The following DHX8 variants were observed in gnomAD, a reference collection of about 807,000 sequenced individuals.
The protein encoded by DHX8 is DEAH-box helicase 8.
Under a neutral mutation model 140.7 loss-of-function variants are expected in DHX8, and 67 were observed. That is an observed-to-expected ratio of 0.48 (90% CI 0.39 to 0.58). The LOEUF is 0.58. Among genes scored for constraint, DHX8 ranks in the 20% least tolerant of loss-of-function variants. The pLI is 0.00. For synonymous variants in DHX8, 533 were observed against 553.2 expected (o/e 0.96, Z 0.51); for missense variants, 887 against 1,550.7 (o/e 0.57, Z 7.19).
At chr17:43,498,245 A>G (rs945229979) in intron 9 of DHX8, among the ~76,000 whole-genome samples, 3 of 151,660 alleles carry the variant, frequency 2.0e-5, no homozygotes, top group Non-Finnish European at 2.9e-5. Context: ...CCCGGGTTCA[A>G]GCGATCCTCC....
At chr17:43,521,624 T>G (rs1970379927) in intron 21 of DHX8, 59 bp downstream of exon 21, 1 of 1,516,704 alleles carries the variant, frequency 6.6e-7, no homozygotes, top group Non-Finnish European at 9.0e-7. Flanking sequence ...GTATCATGTC[T>G]TTTCATCTCT....
chr17:43,534,110 GTATC>G, intron 2 of DHX8: 1 of 1,087,910 alleles, frequency 9.2e-7, no homozygotes, highest in Non-Finnish European at 1.2e-6. Flanking sequence ...CCCTCTCTGG[GTATC>G]AATTTTCTGA....
At chr17:43,526,680 CCT>C (rs765836792), downstream of DHX8, 8 of 1,522,510 alleles carry the variant, frequency 5.3e-6, no homozygotes, top group Admixed American at 7.9e-5. Context: ...CAGCTAACTC[CCT>C]CTCTCTTCGT....
At chr17:43,536,117 A>AAAACAAACAAAC (rs113078365) in intron 2 of DHX8, among the ~76,000 whole-genome samples, 16 of 151,728 alleles carry the variant, frequency 1.1e-4, no homozygotes, top group African/African-American at 3.9e-4. Context: ...TCTTGGGGGG[A>AAAACAAACAAAC]AAACAAACAA....
chr17:43,529,044 T>C (rs929700856), downstream of DHX8: 8 of 1,181,936 alleles, frequency 6.8e-6, no homozygotes, highest in African/African-American at 1.5e-5. Context: ...TCCTACAAAG[T>C]TGCTGAGAAC....
intron 1 of DHX8, among the ~76,000 whole-genome samples, 189 bp from the exon 2 acceptor site, chr17:43,489,260 C>T (rs779767124): frequency 5.3e-5 from 8 of 152,204 alleles, no homozygotes; most frequent in Non-Finnish European, 1.2e-4. Flanking sequence ...CTGCCTTGGC[C>T]TCCCAGAGTG....
intron 18 of DHX8, chr17:43,519,571 C>T (rs1313785734): frequency 1.3e-5 from 2 of 150,462 alleles, no homozygotes; most frequent in African/African-American, 4.9e-5. Context: ...AGGCTGGTCT[C>T]AACTCCCGGA....
chr17:43,495,313 C>T (rs1186694381), intron 8 of DHX8, among the ~76,000 whole-genome samples: 1 of 152,220 alleles, frequency 6.6e-6, no homozygotes, highest in Admixed American at 6.5e-5. Context: ...CTTACTTGCA[C>T]TATTGCCCAG....
intron 1 of DHX8, among the ~76,000 whole-genome samples, chr17:43,486,169 C>T (rs1344307433): frequency 7.1e-6 from 1 of 140,648 alleles, no homozygotes; most frequent in Admixed American, 7.4e-5. Flanking sequence ...CCAGCCTGGA[C>T]GAAAAGAGCA....
At chr17:43,513,709 C>CTTTTTTTTT (rs34829204) in intron 17 of DHX8, among the ~76,000 whole-genome samples, 3 of 105,966 alleles carry the variant, frequency 2.8e-5, no homozygotes, top group East Asian at 3.1e-4. Context: ...AGTTTTTAAT[C>CTTTTTTTTT]TTTTTTTTTT....
chr17:43,490,548 C>A (rs779083250), intron 3 of DHX8, 85 bp downstream of exon 3: 10 of 1,143,102 alleles, frequency 8.7e-6, no homozygotes, highest in Non-Finnish European at 1.3e-5. Context: ...TTCCTCTCAG[C>A]AGTTGCTGAG....
intron 2 of DHX8, among the ~76,000 whole-genome samples, chr17:43,535,281 G>GT (rs1971177350): frequency 7.0e-6 from 1 of 142,566 alleles, no homozygotes; most frequent in Non-Finnish European, 1.6e-5. Context: ...TTGTTTTTTG[G>GT]TTTTTGTTTT....
At chr17:43,531,060 A>G (rs1315426986), downstream of DHX8, among the ~76,000 whole-genome samples, 2 of 152,138 alleles carry the variant, frequency 1.3e-5, no homozygotes, top group Non-Finnish European at 2.9e-5. Flanking sequence ...TCCCCAGCTC[A>G]CTGCCAAGCC....
Position 43,524,240 on chromosome 17 carries a change from T to A in DHX8, c.*393T>A. On this transcript the variant is annotated 3_prime_UTR_variant, in exon 23 of 23. Coordinates refer to ENST00000262415, the MANE Select transcript of DHX8 (RefSeq NM_004941.3). Reference sequence around the variant, plus strand: ...AGCTACTGTGCTCATCTAAAGTGTTTGCCCCACTTCCCACCCCGTCTCCAG... The same window carrying A: ...AGCTACTGTGCTCATCTAAAGTGTTAGCCCCACTTCCCACCCCGTCTCCAG... 9.6e-7 allele frequency: 1 copy of A among 1,040,958 alleles called. No individual in the cohort carries two copies. Among genetic ancestry groups the A allele is most frequent in the South Asian group, 3.6e-5 (1 of 28,124 alleles). The allele number at this position is 1,040,958 out of a possible 1,614,324, so 64.5% of individuals were successfully genotyped here. A position where few individuals can be genotyped will look rare whatever the true frequency, so the allele number is the denominator to read the frequency against.
Position 43,491,265 on chromosome 17 carries a change from T to C in DHX8, c.393+15T>C, listed in dbSNP as rs757374901. 1.4e-6 allele frequency: 2 copies of C among 1,398,320 alleles called. No individual in the cohort carries two copies. The highest frequency in any genetic ancestry group is 2.4e-5 in the Admixed American group (1 of 41,772). The allele number at this position is 1,398,320 out of a possible 1,614,324, so 86.6% of individuals were successfully genotyped here. On this transcript the variant is annotated intron_variant, in intron 4 of 22. Transcript: ENST00000262415. The stretch of plus-strand genomic sequence containing the variant: ...CTTCTGTTCGGGTACTGATACCATT[T>C]TAAGAGTGTCTACTATAAATATATA...
At chr17:43,508,103 C>T in intron 15 of DHX8, 84 bp downstream of exon 15, 1 of 1,361,576 alleles carries the variant, frequency 7.3e-7, no homozygotes, top group Non-Finnish European at 1.0e-6. Context: ...ATCTTTTTTG[C>T]TAATCTTTTT....
At chr17:43,523,249 TTC>T (rs1445864320) in intron 22 of DHX8, among the ~76,000 whole-genome samples, 1 of 152,194 alleles carries the variant, frequency 6.6e-6, no homozygotes, top group Non-Finnish European at 1.5e-5. Flanking sequence ...ATGTTTGGCC[TTC>T]TCCATCCCTT....
At chr17:43,509,188 G>A (rs1422721804) in intron 16 of DHX8, among the ~76,000 whole-genome samples, 3 of 152,134 alleles carry the variant, frequency 2.0e-5, no homozygotes, top group Admixed American at 6.6e-5. Context: ...ATACCCAGGC[G>A]GGAGCACCCA....
At chr17:43,530,306 T>G (rs1970846201), downstream of DHX8, 1 of 1,490,242 alleles carries the variant, frequency 6.7e-7, no homozygotes, top group Non-Finnish European at 9.0e-7. Context: ...GACTGTTCTT[T>G]GCCCAGGTTG....
Sources: allele counts gnomAD v4.1 joint callset (sites outside exome capture counted in the v4.1 genomes callset), GRCh38; gene constraint gnomAD v4.1.1; transcripts MANE v1.5; gene names NCBI Gene and HGNC (gene_info 2026-07-23, HGNC 2026-07-21).